Variants in NUP210 observed in about 807,000 individuals in gnomAD.
The protein encoded by NUP210 is nucleoporin 210.
A neutral mutation model predicts 196.0 loss-of-function variants in NUP210; 151 were observed. The ratio of observed to expected loss-of-function variants is 0.77; its 90% CI spans 0.67 to 0.88. The LOEUF is 0.88. Ranked by LOEUF, NUP210 falls within the 40% of genes least tolerant of loss-of-function variation. NUP210 has a pLI of 0.00. For missense variants in NUP210, 2,314 were observed against 2,493.7 expected (o/e 0.93, Z 1.53); for synonymous variants, 1,070 against 1,052.7 (o/e 1.02, Z -0.32).
intron 16 of NUP210, chr3:13,354,472 C>A (rs879785798): frequency 1.5e-5 from 3 of 200,688 alleles, no homozygotes; most frequent in Non-Finnish European, 3.1e-5. Flanking sequence ...GACAGCCCCC[C>A]ACAGGAACTA....
At chr3:13,410,867 G>A (rs1485214498) in intron 1 of NUP210, among the ~76,000 whole-genome samples, 2 of 142,448 alleles carry the variant, frequency 1.4e-5, no homozygotes, top group African/African-American at 5.2e-5. Context: ...GCAGTGAGCT[G>A]AAATGGCACC....
chr3:13,351,765 TG>T, intron 20 of NUP210, 113 bp downstream of exon 20: 1 of 725,180 alleles, frequency 1.4e-6, no homozygotes, highest in Non-Finnish European at 2.4e-6. Context: ...CCCAAAGTTC[TG>T]GGATTCCGAG....
At chr3:13,373,040 C>T (rs924946237) in intron 12 of NUP210, among the ~76,000 whole-genome samples, 4 of 152,204 alleles carry the variant, frequency 2.6e-5, no homozygotes, top group African/African-American at 7.2e-5. Flanking sequence ...AAGCGGAAGA[C>T]TGGCCAGCCT....
At chr3:13,389,385 C>A (rs2124933358) in intron 4 of NUP210, among the ~76,000 whole-genome samples, 1 of 152,304 alleles carries the variant, frequency 6.6e-6, no homozygotes, top group South Asian at 2.1e-4. Flanking sequence ...GTGGATCAAC[C>A]CACTGAGCTG....
chr3:13,399,559 G>A (rs900795972), intron 2 of NUP210, among the ~76,000 whole-genome samples, 166 bp downstream of exon 2: 3 of 152,160 alleles, frequency 2.0e-5, no homozygotes, highest in African/African-American at 7.2e-5. Context: ...ACAAGGCTTG[G>A]GATGGGTGTT....
chr3:13,373,687 C>G, intron 12 of NUP210, 31 bp downstream of exon 12: 1 of 1,612,264 alleles, frequency 6.2e-7, no homozygotes, highest in South Asian at 1.1e-5. Context: ...ATCCGAGCCT[C>G]CCAGGGGGTG....
Position 13,321,707 on chromosome 3 carries a change from C to T in NUP210, c.5044G>A (p.Gly1682Arg), listed in dbSNP as rs201360914. The change falls in exon 36 of 40, where the codon GGG (glycine) becomes AGG (arginine). Residue 1682 changes from glycine to arginine, a missense_variant. Physicochemically the swap from Gly to Arg is moderately radical, Grantham distance 125. Coordinates refer to ENST00000254508, the MANE Select transcript of NUP210 (RefSeq NM_024923.4). ...SSSHFSTEQV[G>R]AEVPFSPGLF... Reference sequence around the variant, plus strand: ...CCTGGGCTGAAGGGCACCTCGGCCCCCACCTGCTCTGTGGAGAAGTGGCTG... The same window carrying T: ...CCTGGGCTGAAGGGCACCTCGGCCCTCACCTGCTCTGTGGAGAAGTGGCTG... 22 of 1,614,170 alleles carry T rather than the reference C, an allele frequency of 1.4e-5. No homozygotes were observed. In the Admixed American group the frequency reaches 2.3e-4, roughly 17 times the overall value.
chr3:13,369,880 C>G (rs1056977196), intron 13 of NUP210, among the ~76,000 whole-genome samples: 1 of 152,228 alleles, frequency 6.6e-6, no homozygotes, highest in African/African-American at 2.4e-5. Flanking sequence ...CCAAGTCCAA[C>G]TGCAGTAAGC....
Position 13,420,006 on chromosome 3 carries a change from C to T in NUP210, c.167+54G>A. 4 of 1,100,500 alleles carry T rather than the reference C, an allele frequency of 3.6e-6. No individual in the cohort carries two copies. The highest frequency in any genetic ancestry group is 4.4e-6 in the Non-Finnish European group (4 of 901,648). 68.2% of individuals were successfully genotyped at this position (1,100,500 alleles called of 1,614,324 possible). A position where few individuals can be genotyped will look rare whatever the true frequency, so the allele number is the denominator to read the frequency against. Reference sequence around the variant, plus strand: ...TCCCGGCGCCCGCCCAGCCTCTCAGCGCGAAGGCCCAGCCCGGCCCACGGC... The same window carrying T: ...TCCCGGCGCCCGCCCAGCCTCTCAGTGCGAAGGCCCAGCCCGGCCCACGGC... On this transcript the variant is annotated intron_variant, in intron 1 of 39. Transcript: ENST00000254508. This position sits in a 1 kb window ranked among gnomAD's most constrained non-coding sequence, Gnocchi z 4.8.
rs766942679 is a variant in NUP210 at position 13,352,075 on chromosome 3, TG to T, written c.2733+4del. ...CCCAGGAAGGTGGCAGGGCAAGGACTGTACCTGGATGCCAGGGTGGTTGTAG... is the reference window on the plus strand; with the variant it reads ...CCCAGGAAGGTGGCAGGGCAAGGACTTACCTGGATGCCAGGGTGGTTGTAG... On this transcript the variant is annotated splice_donor_region_variant and intron_variant, in intron 19 of 39. Transcript: ENST00000254508. 9.3e-6 allele frequency: 15 copies of T among 1,613,064 alleles called. No individual in the cohort carries two copies. Among genetic ancestry groups the T allele is most frequent in the African/African-American group, 1.3e-5 (1 of 75,022 alleles).
Position 13,340,998 on chromosome 3 carries a change from G to GAAAGGTGC in NUP210, c.3229-708_3229-701dup, listed in dbSNP as rs1241784490. The GAAAGGTGC allele has an allele frequency of 6.6e-6, 1 of 152,280 alleles. No individual in the cohort carries two copies. The highest frequency in any genetic ancestry group is 1.5e-5 in the Non-Finnish European group (1 of 68,090). 9.4% of individuals were successfully genotyped at this position (152,280 alleles called of 1,614,324 possible). On this transcript the variant is annotated intron_variant, in intron 23 of 39. Transcript: ENST00000254508. This position sits in a 1 kb window ranked among gnomAD's most constrained non-coding sequence, Gnocchi z 4.0. Reference sequence around the variant, plus strand: ...AGAAACAAATTTCTCATCACCAGAAGAAAGGTGCACCTCCATCTAGAGACA... The same window carrying GAAAGGTGC: ...AGAAACAAATTTCTCATCACCAGAAGAAAGGTGCAAAGGTGCACCTCCATCTAGAGACA...
chr3:13,408,781 C>G (rs1173787561), intron 1 of NUP210, among the ~76,000 whole-genome samples: 1 of 128,098 alleles, frequency 7.8e-6, no homozygotes, highest in Non-Finnish European at 1.6e-5. Context: ...GGGAGAGACT[C>G]TGTCTCAAAA....
chr3:13,380,630 G>A (rs1240155235), intron 6 of NUP210, among the ~76,000 whole-genome samples: 1 of 152,184 alleles, frequency 6.6e-6, no homozygotes, highest in Non-Finnish European at 1.5e-5. Context: ...CCACAAGTGG[G>A]ACATTCTAGC....
chr3:13,381,964 G>A (rs975274664), intron 6 of NUP210, among the ~76,000 whole-genome samples: 1 of 152,088 alleles, frequency 6.6e-6, no homozygotes, highest in Non-Finnish European at 1.5e-5. Flanking sequence ...TCTGACCTCA[G>A]CCCCTGCTCA....
At chr3:13,361,039 A>G (rs1032789927) in intron 14 of NUP210, among the ~76,000 whole-genome samples, 1 of 152,210 alleles carries the variant, frequency 6.6e-6, no homozygotes, top group Non-Finnish European at 1.5e-5. Flanking sequence ...GTTTGATCAC[A>G]ATCATGTTGC....
chr3:13,399,843 C>T lies in NUP210; in HGVS notation c.186G>A (p.Glu62=), dbSNP rs1255025111. Residue 62 remains glutamate, a synonymous_variant, in exon 2 of 40, where the codon GAG becomes GAA. Coordinates refer to ENST00000254508, the MANE Select transcript of NUP210 (RefSeq NM_024923.4). The part of the protein sequence containing the change: ...GCYRWLSTRP[E]VASIEPLGLD... Reference sequence around the variant, plus strand: ...GGCCCAGCGGCTCGATGCTGGCCACCTCCGGCCGGGTGGACAACCTGCAGT... The same window carrying T: ...GGCCCAGCGGCTCGATGCTGGCCACTTCCGGCCGGGTGGACAACCTGCAGT... The T allele has an allele frequency of 6.2e-7, 1 of 1,610,126 alleles. No homozygotes were observed.
At chr3:13,398,485 A>C (rs2124945430) in intron 2 of NUP210, among the ~76,000 whole-genome samples, 1 of 152,352 alleles carries the variant, frequency 6.6e-6, no homozygotes, top group East Asian at 1.9e-4. Context: ...CTGGGAATTT[A>C]TCTTAAGAAA....
chr3:13,371,045 C>T (rs564311935), intron 13 of NUP210, among the ~76,000 whole-genome samples: 1 of 152,354 alleles, frequency 6.6e-6, no homozygotes, highest in South Asian at 2.1e-4. Context: ...AATGGTGTCC[C>T]TGTTAACCTC....
rs545840341 is a variant in NUP210, at chr3:13,321,110, C to T, written c.5166+475G>A. Among the ~76,000 whole-genome samples the T allele has an allele frequency of 2.9e-3, 442 of 152,366 alleles. 4 individuals carry two copies. The highest frequency in any genetic ancestry group is 0.01 in the African/African-American group (430 of 41,588). ...CGAGGAACTCCTTGGTTCTCTCACC[C>T]CCGAACTCTTCCCAGCCTGCCAGGC... On this transcript the variant is annotated intron_variant, in intron 36 of 39. Coordinates refer to ENST00000254508, the MANE Select transcript of NUP210 (RefSeq NM_024923.4).
Sources: allele counts gnomAD v4.1 joint callset (sites outside exome capture counted in the v4.1 genomes callset), GRCh38; gene constraint gnomAD v4.1.1; non-coding constraint Gnocchi (gnomAD v3.1); transcripts MANE v1.5; gene names NCBI Gene and HGNC (gene_info 2026-07-23, HGNC 2026-07-21).